CA2: variants seen among roughly 807,000 people sequenced by gnomAD.
The protein encoded by CA2 is carbonic anhydrase 2, also known as carbonate dehydratase II.
A neutral mutation model predicts 27.8 loss-of-function variants in CA2; 23 were observed. The ratio of observed to expected loss-of-function variants is 0.83; its 90% CI spans 0.59 to 1.17. The LOEUF (loss-of-function observed/expected upper bound fraction) is 1.17, where lower values mean the gene tolerates loss of function less well. CA2 is among the 50% of genes most tolerant of loss of function. CA2 has a pLI of 0.00. For synonymous variants in CA2, 99 were observed against 114.9 expected, an observed-to-expected ratio of 0.86 and a Z score of 0.88; for missense variants, 300 against 314.7, an observed-to-expected ratio of 0.95 and a Z score of 0.35.
At chr8:85,465,668 T>C (rs1811618974) in intron 2 of CA2, among the ~76,000 whole-genome samples, 199 bp downstream of exon 2, 1 of 152,212 alleles carries the variant, frequency 6.6e-6, no homozygotes. Context: ...CGGGGCCGTT[T>C]CTTCCCTGTA....
chr8:85,474,122 G>T (rs542882981), intron 3 of CA2: 2 of 626,718 alleles, frequency 3.2e-6, no homozygotes, highest in African/African-American at 3.7e-5. Flanking sequence ...ATTTGTCTTA[G>T]AGTTATTGAT....
At chr8:85,467,996 C>G (rs1456093866) in intron 2 of CA2, among the ~76,000 whole-genome samples, 2 of 152,194 alleles carry the variant, frequency 1.3e-5, no homozygotes, top group Non-Finnish European at 2.9e-5. Flanking sequence ...GGCCTGGTCC[C>G]TCTCCTGTTC....
rs763691804 is a variant in CA2 at position 85,474,436 on chromosome 8, C to CT, written c.444+28dup. 139 of 1,518,982 alleles carry CT rather than the reference C, an allele frequency of 9.2e-5. No individual in the cohort carries two copies. Among genetic ancestry groups the CT allele is most frequent in the Middle Eastern group, 6.8e-4 (4 of 5,902 alleles). The allele number at this position is 1,518,982 out of a possible 1,614,324, so 94.1% of individuals were successfully genotyped here. On this transcript the variant is annotated intron_variant, in intron 4 of 6. Transcript: ENST00000285379. ...TTGAAGGTTAGTTGATGACCCAATTCTTTTTTTTCCCTATTTTTAATAAAG... is the reference window on the plus strand; with the variant it reads ...TTGAAGGTTAGTTGATGACCCAATTCTTTTTTTTTCCCTATTTTTAATAAAG...
chr8:85,464,051 T>C lies in CA2; in HGVS notation c.-31T>C. The stretch of plus-strand genomic sequence containing the variant: ...GCCGCCGCCGCCAGATCGGTGCCGA[T>C]TCCTGCCCTGCCCCGACCGCCAGCG... On this transcript the variant is annotated 5_prime_UTR_variant, in exon 1 of 7. Coordinates refer to ENST00000285379, the MANE Select transcript of CA2 (RefSeq NM_000067.3). The C allele has an allele frequency of 1.3e-6, 2 of 1,543,124 alleles. No homozygotes were observed. Among genetic ancestry groups the C allele is most frequent in the Non-Finnish European group, 1.7e-6 (2 of 1,147,176 alleles).
At chr8:85,475,670 G>A in intron 4 of CA2, 128 bp from the exon 5 acceptor site, 1 of 785,944 alleles carries the variant, frequency 1.3e-6, no homozygotes, top group East Asian at 2.7e-5. Context: ...ACTGATGGGG[G>A]TCATGTATGA....
At chr8:85,468,733 C>T (rs1301063241) in intron 2 of CA2, among the ~76,000 whole-genome samples, 4 of 152,084 alleles carry the variant, frequency 2.6e-5, no homozygotes, top group Non-Finnish European at 5.9e-5. Context: ...GCACTCCAGC[C>T]TGGTGACAGA....
intron 1 of CA2, 42 bp downstream of exon 1, chr8:85,464,157 C>G (rs1225141853): frequency 2.0e-6 from 3 of 1,463,488 alleles, no homozygotes; most frequent in Non-Finnish European, 2.8e-6. Context: ...CCCCGATCCC[C>G]GATCCCCGAT....
chr8:85,481,233 A>G lies in CA2; in HGVS notation c.*444A>G, dbSNP rs1041070368. The G allele has an allele frequency of 6.5e-6, 1 of 154,924 alleles. No homozygotes were observed. The highest frequency in any genetic ancestry group is 6.4e-5 in the Admixed American group (1 of 15,742). 9.6% of individuals were successfully genotyped at this position (154,924 alleles called of 1,614,324 possible). On this transcript the variant is annotated 3_prime_UTR_variant, in exon 7 of 7. Coordinates refer to ENST00000285379, the MANE Select transcript of CA2 (RefSeq NM_000067.3). ...TGATTCTATGTAATGTAAACCAGAA[A>G]AAATAAATGTTCATGATTTCAAGAT...
At chr8:85,478,944 T>C (rs572541329) in intron 6 of CA2, among the ~76,000 whole-genome samples, 2 of 152,300 alleles carry the variant, frequency 1.3e-5, no homozygotes, top group South Asian at 4.1e-4. Flanking sequence ...GCAGAGAAGC[T>C]CTTTCCTGAA....
chr8:85,465,741 G>T (rs921888606), intron 2 of CA2, among the ~76,000 whole-genome samples: 1 of 152,134 alleles, frequency 6.6e-6, no homozygotes, highest in African/African-American at 2.4e-5. Context: ...AATCACAAAA[G>T]GTGCAAAGTC....
intron 6 of CA2, 73 bp from the exon 7 acceptor site, chr8:85,480,597 A>G: frequency 6.8e-7 from 1 of 1,480,906 alleles, no homozygotes; most frequent in African/African-American, 1.4e-5. Context: ...AATGTATTTA[A>G]AGATATAACA....
chr8:85,477,687 C>T (rs1018083695), intron 6 of CA2, among the ~76,000 whole-genome samples: 1 of 152,122 alleles, frequency 6.6e-6, no homozygotes, highest in Non-Finnish European at 1.5e-5. Flanking sequence ...TATCAGAATG[C>T]ATTTCTGAAT....
chr8:85,475,844 A>T lies in CA2; in HGVS notation c.491A>T (p.Asp164Val). ...PGLQKVVDVLDSIKTKGKSAD... is the reference protein window; with the variant it reads ...PGLQKVVDVLVSIKTKGKSAD... Reference sequence around the variant, plus strand: ...CTTCAGAAAGTTGTTGATGTGCTGGATTCCATTAAAACAAAGGTAAATTTG... The same window carrying T: ...CTTCAGAAAGTTGTTGATGTGCTGGTTTCCATTAAAACAAAGGTAAATTTG... Residue 164 changes from aspartate (D) to valine (V), a missense_variant, in exon 5 of 7, where the codon GAT becomes GTT. Coordinates refer to ENST00000285379, the MANE Select transcript of CA2 (RefSeq NM_000067.3). 6 of 1,614,048 alleles carry T rather than the reference A, an allele frequency of 3.7e-6. No homozygotes were observed. Among genetic ancestry groups the T allele is most frequent in the Non-Finnish European group, 5.1e-6 (6 of 1,179,950 alleles).
At chr8:85,465,212 C>G in intron 1 of CA2, 60 bp from the exon 2 acceptor site, 1 of 1,368,858 alleles carries the variant, frequency 7.3e-7, no homozygotes, top group Non-Finnish European at 1.0e-6. Flanking sequence ...TTGCTCTTCT[C>G]TAGGGGTCTG....
At chr8:85,470,671 T>C (rs1471847889) in intron 2 of CA2, among the ~76,000 whole-genome samples, 1 of 152,182 alleles carries the variant, frequency 6.6e-6, no homozygotes, top group Non-Finnish European at 1.5e-5. Flanking sequence ...AAATAATATG[T>C]ATAGGAAGAA....
At chr8:85,477,304 C>T (rs781262776) in intron 6 of CA2, 29 bp downstream of exon 6, 44 of 1,613,406 alleles carry the variant, frequency 2.7e-5, no homozygotes, top group Middle Eastern at 1.7e-4. Context: ...GGTCTGTTTA[C>T]GGGTGGAGCA....
chr8:85,479,119 G>A (rs1015984896), intron 6 of CA2, among the ~76,000 whole-genome samples: 1 of 151,276 alleles, frequency 6.6e-6, no homozygotes, highest in African/African-American at 2.4e-5. Context: ...ATGGGGGGGC[G>A]TGGATTTTAG....
At position 85,464,025 on chromosome 8, in the gene CA2, A is replaced by G. The variant is rs1586009541; in HGVS notation, c.-57A>G. ...CGCGGACACACAGTGCAGGCGCCCA[A>G]GCCGCCGCCGCCAGATCGGTGCCGA... On this transcript the variant is annotated 5_prime_UTR_variant, in exon 1 of 7. Coordinates refer to ENST00000285379, the MANE Select transcript of CA2 (RefSeq NM_000067.3). The G allele has an allele frequency of 2.0e-6, 3 of 1,523,982 alleles. No homozygotes were observed. In the African/African-American group the frequency reaches 4.2e-5, roughly 21 times the overall value. 94.4% of individuals were successfully genotyped at this position (1,523,982 alleles called of 1,614,324 possible). A position where few individuals can be genotyped will look rare whatever the true frequency, so the allele number is the denominator to read the frequency against.
intron 5 of CA2, 72 bp downstream of exon 5, chr8:85,475,932 T>C (rs1180834302): frequency 8.4e-7 from 1 of 1,188,550 alleles, no homozygotes; most frequent in East Asian, 2.4e-5. Context: ...GAAATTTCTT[T>C]TGATCAAATT....
Sources: allele counts gnomAD v4.1 joint callset (sites outside exome capture counted in the v4.1 genomes callset), GRCh38; gene constraint gnomAD v4.1.1; transcripts MANE v1.5; gene names NCBI Gene and HGNC (gene_info 2026-07-23, HGNC 2026-07-21).